The following CTNNA2 variants were observed in gnomAD, a reference collection of about 807,000 sequenced individuals.
CTNNA2 encodes catenin alpha-2.
A neutral mutation model predicts 101.0 loss-of-function variants in CTNNA2; 42 were observed. The observed-to-expected ratio is 0.42, with a 90% CI of 0.32 to 0.54. The LOEUF (loss-of-function observed/expected upper bound fraction) is 0.54. Ranked by LOEUF, CTNNA2 falls within the 20% of genes least tolerant of loss-of-function variation. CTNNA2 has a pLI of 0.14. For missense variants in CTNNA2, 871 were observed against 1,223.1 expected, an observed-to-expected ratio of 0.71 and a Z score of 4.29; for synonymous variants, 450 against 456.4, an observed-to-expected ratio of 0.99 and a Z score of 0.18.
chr2:79,808,215 T>C (rs1295322252), intron 3 of CTNNA2, among the ~76,000 whole-genome samples: 1 of 152,090 alleles, frequency 6.6e-6, no homozygotes, highest in Non-Finnish European at 1.5e-5. Flanking sequence ...GCCAGTTGGG[T>C]TCAGCAGAGT....
chr2:79,657,770 T>C (rs1316266890), intron 2 of CTNNA2, among the ~76,000 whole-genome samples: 1 of 151,734 alleles, frequency 6.6e-6, no homozygotes, highest in African/African-American at 2.4e-5. Flanking sequence ...TTAAAGAATA[T>C]AATGGTGGCC....
At chr2:80,563,379 G>T (rs1312301407) in intron 12 of CTNNA2, among the ~76,000 whole-genome samples, 1 of 152,202 alleles carries the variant, frequency 6.6e-6, no homozygotes, top group Non-Finnish European at 1.5e-5. Context: ...CACTCATTTG[G>T]AAGCACATGT....
At chr2:80,386,640 A>G (rs531058095) in intron 7 of CTNNA2, among the ~76,000 whole-genome samples, 2 of 152,292 alleles carry the variant, frequency 1.3e-5, no homozygotes, top group South Asian at 2.1e-4. Flanking sequence ...GATAGAGTGC[A>G]TGGCATATTA....
chr2:79,790,804 G>A (rs57138756), intron 3 of CTNNA2, among the ~76,000 whole-genome samples: 3,455 of 152,128 alleles, frequency 0.023, 140 homozygotes, highest in African/African-American at 0.08. Flanking sequence ...ATTATTGATC[G>A]TTACTTAGAC....
At chr2:79,437,090 C>T (rs899840206) in intron 4 of CTNNA2, among the ~76,000 whole-genome samples, 38 of 151,686 alleles carry the variant, frequency 2.5e-4, no homozygotes, top group African/African-American at 8.5e-4. Context: ...AAAAATTAGC[C>T]GGGTATGGTG....
At chr2:80,140,787 T>C (rs1397150583) in intron 7 of CTNNA2, among the ~76,000 whole-genome samples, 5 of 152,124 alleles carry the variant, frequency 3.3e-5, no homozygotes, top group African/African-American at 4.8e-5. Context: ...GCATGTTTTA[T>C]TTCTCCCAAT....
At chr2:80,594,398 C>A (rs1251444527) in intron 15 of CTNNA2, among the ~76,000 whole-genome samples, 1 of 151,828 alleles carries the variant, frequency 6.6e-6, no homozygotes, top group Non-Finnish European at 1.5e-5. Flanking sequence ...ATATTAATTT[C>A]TTATCAGGAA....
intron 7 of CTNNA2, among the ~76,000 whole-genome samples, chr2:80,345,281 C>A (rs1469251034): frequency 6.6e-6 from 1 of 152,184 alleles, no homozygotes; most frequent in Non-Finnish European, 1.5e-5. Flanking sequence ...AGCCCCATTG[C>A]CATTCTCAGC....
At chr2:79,308,319 T>G (rs1278473257) in intron 2 of CTNNA2, among the ~76,000 whole-genome samples, 1 of 152,168 alleles carries the variant, frequency 6.6e-6, no homozygotes, top group African/African-American at 2.4e-5. Context: ...TTTCTGGGAT[T>G]ACAGTCATGA....
At chr2:80,265,715 T>C (rs1031776348) in intron 7 of CTNNA2, among the ~76,000 whole-genome samples, 1 of 152,218 alleles carries the variant, frequency 6.6e-6, no homozygotes, top group Non-Finnish European at 1.5e-5. Context: ...TCAGCTAATA[T>C]ATAAGCTCCT....
At chr2:80,087,588 T>C (rs1040953095) in intron 7 of CTNNA2, among the ~76,000 whole-genome samples, 8 of 152,074 alleles carry the variant, frequency 5.3e-5, no homozygotes, top group Non-Finnish European at 1.0e-4. Flanking sequence ...TGTGGGCTGC[T>C]CTCTGGAGTG....
chr2:79,706,219 C>T (rs969326407), intron 2 of CTNNA2, among the ~76,000 whole-genome samples: 16 of 151,774 alleles, frequency 1.1e-4, no homozygotes, highest in Non-Finnish European at 1.5e-4. Context: ...AAAAAATATG[C>T]GGGCGTGGTG....
Position 79,545,348 on chromosome 2 carries a change from T to A in CTNNA2, c.-6+32141T>A, listed in dbSNP as rs184996196. The stretch of plus-strand genomic sequence containing the variant: ...TCAGTTGAGTTACAGTAAGAGGACC[T>A]AGGTTACAAAATGGAAGCTGTACAT... On this transcript the variant is annotated intron_variant, in intron 1 of 18. Transcript: ENST00000402739. Among the ~76,000 whole-genome samples the A allele has an allele frequency of 1.6e-3, 247 of 152,288 alleles. 1 individual carries two copies. The highest frequency in any genetic ancestry group is 2.8e-3 in the Non-Finnish European group (189 of 68,030).
At chr2:79,897,251 G>T (rs998102677) in intron 6 of CTNNA2, among the ~76,000 whole-genome samples, 3 of 151,842 alleles carry the variant, frequency 2.0e-5, no homozygotes, top group Non-Finnish European at 4.4e-5. Flanking sequence ...GCCATGGGGA[G>T]CCGTTGAAGG....
At chr2:80,147,428 C>T (rs942732073) in intron 7 of CTNNA2, among the ~76,000 whole-genome samples, 45 of 152,214 alleles carry the variant, frequency 3.0e-4, no homozygotes, top group African/African-American at 8.9e-4. Flanking sequence ...AAAGACTGAA[C>T]ATAAAAATGG....
intron 7 of CTNNA2, among the ~76,000 whole-genome samples, chr2:80,180,345 T>C (rs1379818610): frequency 6.6e-6 from 1 of 152,228 alleles, no homozygotes; most frequent in Non-Finnish European, 1.5e-5. Flanking sequence ...ACCTGGCAGT[T>C]TTCTGCCTAT....
rs188630042 is a variant in CTNNA2 at position 79,865,465 on chromosome 2, C to T, written c.466-4351C>T. Among the ~76,000 whole-genome samples, 116 of 152,264 alleles carry T rather than the reference C, an allele frequency of 7.6e-4. 1 individual carries two copies. Among genetic ancestry groups the T allele is most frequent in the Admixed American group, 2.6e-4 (4 of 15,302 alleles). On this transcript the variant is annotated intron_variant, in intron 4 of 18. Transcript: ENST00000402739. ...TAGTTTTGTCAGTGTCACTTAAAAT[C>T]CAGTCAACTTAGGTAACAATAGTAA...
At chr2:79,395,367 A>G (rs564452935) in intron 4 of CTNNA2, among the ~76,000 whole-genome samples, 1 of 152,018 alleles carries the variant, frequency 6.6e-6, no homozygotes, top group South Asian at 2.1e-4. Flanking sequence ...CATTAGGTAT[A>G]TCTCCTAATG....
chr2:80,065,470 C>T (rs1217546569), intron 7 of CTNNA2, among the ~76,000 whole-genome samples: 1 of 151,802 alleles, frequency 6.6e-6, no homozygotes, highest in African/African-American at 2.4e-5. Context: ...TCTCCTGCCT[C>T]AGCCTCCCTA....
Sources: gnomAD v4.1 joint callset for allele counts (sites outside exome capture counted in the v4.1 genomes callset) on GRCh38, gnomAD v4.1.1 for gene constraint, MANE v1.5 for transcripts, NCBI Gene and HGNC (gene_info 2026-07-23, HGNC 2026-07-21) for gene names.